Variants in ITIH1 observed in about 807,000 individuals in gnomAD.
The protein encoded by ITIH1 is inter-alpha-trypsin inhibitor heavy chain H1.
Under a neutral mutation model 104.6 loss-of-function variants are expected in ITIH1, and 94 were observed. The ratio of observed to expected loss-of-function variants is 0.90; its 90% CI spans 0.76 to 1.07. The LOEUF is 1.07. Among genes scored for constraint, ITIH1 ranks in the 50% least tolerant of loss-of-function variants. The pLI is 0.00. For missense variants in ITIH1, 1,193 were observed against 1,181.4 expected (o/e 1.01, Z -0.14); for synonymous variants, 455 against 464.4 (o/e 0.98, Z 0.26).
chr3:52,783,749 G>A (rs909378801), intron 10 of ITIH1, among the ~76,000 whole-genome samples: 4 of 152,152 alleles, frequency 2.6e-5, no homozygotes, highest in Non-Finnish European at 4.4e-5. Flanking sequence ...AGATCCAGGA[G>A]TAGATACTGA....
Position 52,778,374 on chromosome 3 carries a change from T to C in ITIH1, c.173T>C (p.Val58Ala), listed in dbSNP as rs896999078. 1.9e-6 allele frequency: 3 copies of C among 1,614,202 alleles called. No homozygotes were observed. Among genetic ancestry groups the C allele is most frequent in the Non-Finnish European group, 2.5e-6 (3 of 1,180,028 alleles). Reference sequence around the variant, plus strand: ...GGCGTGTTCATCCGGAGTTTGAAAGTCAACTGCAAAGTCACCTCTCGCTTC... The same window carrying C: ...GGCGTGTTCATCCGGAGTTTGAAAGCCAACTGCAAAGTCACCTCTCGCTTC... ...VDGVFIRSLK[V>A]NCKVTSRFAH... is the part of the protein sequence containing the mutation. The change falls in exon 3 of 22, where the codon GTC (valine) becomes GCC (alanine). Residue 58 changes from valine (V) to alanine (A), a missense_variant. Transcript: ENST00000273283.
Position 52,777,739 on chromosome 3 carries a change from G to A in ITIH1, c.117+7G>A. Reference sequence around the variant, plus strand: ...CAGGTCCAAGAGCAGCGAGGTATATGGCTAAGCCCACAGGGCAGAAATAGG... The same window carrying A: ...CAGGTCCAAGAGCAGCGAGGTATATAGCTAAGCCCACAGGGCAGAAATAGG... On this transcript the variant is annotated splice_region_variant and intron_variant, in intron 1 of 21. Coordinates refer to ENST00000273283, the MANE Select transcript of ITIH1 (RefSeq NM_002215.4). 1.9e-6 allele frequency: 3 copies of A among 1,571,060 alleles called. No homozygotes were observed. Among genetic ancestry groups the A allele is most frequent in the Non-Finnish European group, 2.6e-6 (3 of 1,158,170 alleles).
chr3:52,783,435 CA>C, intron 10 of ITIH1, 96 bp downstream of exon 10: 6 of 1,393,838 alleles, frequency 4.3e-6, no homozygotes, highest in African/African-American at 1.4e-5. Context: ...GAGATGCCAT[CA>C]GGGGGCAGAA....
Position 52,787,581 on chromosome 3 carries a change from G to A in ITIH1, c.1904-11G>A. On this transcript the variant is annotated splice_polypyrimidine_tract_variant and intron_variant, in intron 15 of 21. Coordinates refer to ENST00000273283, the MANE Select transcript of ITIH1 (RefSeq NM_002215.4). Reference sequence around the variant, plus strand: ...ACACTGTCTTCGATAATATGTCCTTGTCTTCTACAGAGATGCTGGGACCCA... The same window carrying A: ...ACACTGTCTTCGATAATATGTCCTTATCTTCTACAGAGATGCTGGGACCCA... 6.2e-7 allele frequency: 1 copy of A among 1,614,158 alleles called. No individual in the cohort carries two copies. The highest frequency in any genetic ancestry group is 8.5e-7 in the Non-Finnish European group (1 of 1,179,996).
chr3:52,785,028 A>G lies in ITIH1; in HGVS notation c.1408-16A>G. 6.2e-7 allele frequency: 1 copy of G among 1,613,408 alleles called. No individual in the cohort carries two copies. The highest frequency in any genetic ancestry group is 1.1e-5 in the South Asian group (1 of 91,040). The stretch of plus-strand genomic sequence containing the variant: ...CAGGGTGCTCAGCTCTAAGGCTGCA[A>G]CCTCTATCCCTGCAGGGTTTCTACA... On this transcript the variant is annotated splice_polypyrimidine_tract_variant and intron_variant, in intron 11 of 21. Transcript: ENST00000273283.
intron 19 of ITIH1, 63 bp downstream of exon 19, chr3:52,789,917 G>A: frequency 6.6e-7 from 1 of 1,520,432 alleles, no homozygotes; most frequent in Non-Finnish European, 9.1e-7. Context: ...GGACTCTGCT[G>A]AGTCTGCAGG....
chr3:52,781,206 TTTTTC>T lies in ITIH1; in HGVS notation c.688-731_688-727del, dbSNP rs1300574133. The stretch of plus-strand genomic sequence containing the variant: ...TTCACCTCCTCCTCTTCTTTTTTTT[TTTTTC>T]TTCTTCTTCTTCTTCTTCTTCTTCT... On this transcript the variant is annotated intron_variant, in intron 6 of 21. Coordinates refer to ENST00000273283, the MANE Select transcript of ITIH1 (RefSeq NM_002215.4). Among the ~76,000 whole-genome samples the T allele has an allele frequency of 2.2e-3, 162 of 74,512 alleles. 12 individuals are homozygous for T. Among genetic ancestry groups the T allele is most frequent in the African/African-American group, 7.6e-3 (121 of 15,874 alleles). The allele number at this position is 74,512 out of a possible 152,430, so 48.9% of individuals were successfully genotyped here. A position where few individuals can be genotyped will look rare whatever the true frequency, so the allele number is the denominator to read the frequency against.
chr3:52,788,662 G>C (rs542700679), intron 18 of ITIH1, among the ~76,000 whole-genome samples: 2 of 151,304 alleles, frequency 1.3e-5, no homozygotes, highest in Non-Finnish European at 1.5e-5. Context: ...CTGGGTTCAA[G>C]TGATTCTCCT....
At chr3:52,781,895 G>C in intron 6 of ITIH1, 45 bp from the exon 7 acceptor site, 1 of 1,605,226 alleles carries the variant, frequency 6.2e-7, no homozygotes, top group Non-Finnish European at 8.5e-7. Flanking sequence ...CATCTTGTTT[G>C]TGGTTACACA....
At position 52,786,433 on chromosome 3, in the gene ITIH1, C is replaced by A. The variant is rs371375008; in HGVS notation, c.1732C>A (p.Arg578=). Residue 578 remains arginine, a splice_region_variant and synonymous_variant, in exon 13 of 22, where the codon CGG becomes AGG. Coordinates refer to ENST00000273283, the MANE Select transcript of ITIH1 (RefSeq NM_002215.4). ...CACCATCCAGGAGCTGCTGGCCAAG[C>A]GGTAGGGCACCTGCAGCTGCCCCAG... is the stretch of plus-strand genomic sequence containing the variant. ...YLTIQELLAK[R]MKVDREERAN... The A allele has an allele frequency of 2.5e-6, 4 of 1,577,116 alleles. No individual in the cohort carries two copies. The African/African-American group carries it at 5.4e-5, about 21-fold the overall frequency.
At chr3:52,786,236 A>G (rs1699194156) in intron 12 of ITIH1, 59 bp from the exon 13 acceptor site, 1 of 1,526,514 alleles carries the variant, frequency 6.6e-7, no homozygotes, top group Admixed American at 2.0e-5. Context: ...AGCCCCTAGC[A>G]CCAGCCAGGG....
chr3:52,789,625 A>T, intron 18 of ITIH1, 28 bp from the exon 19 acceptor site: 1 of 1,609,514 alleles, frequency 6.2e-7, no homozygotes, highest in Non-Finnish European at 8.5e-7. Flanking sequence ...CCCCTTCCCA[A>T]CCCGGATGCC....
At chr3:52,781,629 C>T (rs1699062037) in intron 6 of ITIH1, among the ~76,000 whole-genome samples, 1 of 152,130 alleles carries the variant, frequency 6.6e-6, no homozygotes, top group African/African-American at 2.4e-5. Context: ...TGCTTTTTCA[C>T]TCAACAGTTT....
At position 52,789,752 on chromosome 3, in the gene ITIH1, C is replaced by T. The variant is rs751999353; in HGVS notation, c.2219C>T (p.Thr740Met). 29 of 1,614,120 alleles carry T rather than the reference C, an allele frequency of 1.8e-5. No homozygotes were observed. The highest frequency in any genetic ancestry group is 6.6e-5 in the South Asian group (6 of 91,088). ...FGRLGIANPA[T>M]DFQLEVTPQN... ...CGGCTGGGAATCGCAAACCCTGCCA[C>T]GGACTTTCAGTTGGAAGTGACTCCT... The change falls in exon 19 of 22, where the codon ACG becomes ATG. Residue 740 changes from threonine to methionine, a missense_variant. Coordinates refer to ENST00000273283, the MANE Select transcript of ITIH1 (RefSeq NM_002215.4).
chr3:52,781,368 GCTT>G (rs756236798), intron 6 of ITIH1, among the ~76,000 whole-genome samples: 13 of 144,624 alleles, frequency 9.0e-5, no homozygotes, highest in Non-Finnish European at 1.7e-4. Flanking sequence ...CTTTTCTGCT[GCTT>G]CTTCTTCCTT....
intron 19 of ITIH1, chr3:52,790,344 A>C: frequency 3.7e-6 from 1 of 270,676 alleles, no homozygotes; most frequent in Non-Finnish European, 7.1e-6. Flanking sequence ...CTATAGGAAG[A>C]GGTGGGGAGA....
rs751917960 is a variant in ITIH1, at chr3:52,777,637, C to T, written c.22C>T (p.Arg8Trp). 3.1e-6 allele frequency: 5 copies of T among 1,593,588 alleles called. No homozygotes were observed. The South Asian group carries it at 3.4e-5, about 11-fold the overall frequency. ...GAGCATGGACGGTGCCATGGGGCCTCGGGGGCTGCTGTTGTGCATGTACCT... is the reference window on the plus strand; with the variant it reads ...GAGCATGGACGGTGCCATGGGGCCTTGGGGGCTGCTGTTGTGCATGTACCT... Reference protein sequence around the residue: MDGAMGPRGLLLCMYLVS... With the variant: MDGAMGPWGLLLCMYLVS... Residue 8 changes from arginine to tryptophan, a missense_variant, in exon 1 of 22, where the codon CGG becomes TGG. Coordinates refer to ENST00000273283, the MANE Select transcript of ITIH1 (RefSeq NM_002215.4).
At chr3:52,784,232 C>G in intron 10 of ITIH1, 64 bp from the exon 11 acceptor site, 1 of 1,414,148 alleles carries the variant, frequency 7.1e-7, no homozygotes, top group Non-Finnish European at 9.7e-7. Context: ...TTCCCCAGAG[C>G]CCCCTCGTGC....
intron 13 of ITIH1, 145 bp downstream of exon 13, chr3:52,786,579 A>G (rs1699210313): frequency 6.9e-6 from 6 of 864,244 alleles, no homozygotes; most frequent in South Asian, 1.8e-5. Flanking sequence ...GTTAATATCA[A>G]CCAGTCAGTC....
Sources: gnomAD v4.1 joint callset for allele counts (sites outside exome capture counted in the v4.1 genomes callset) on GRCh38, gnomAD v4.1.1 for gene constraint, MANE v1.5 for transcripts, NCBI Gene and HGNC (gene_info 2026-07-23, HGNC 2026-07-21) for gene names.